ANKS1B: variants seen among roughly 807,000 people sequenced by gnomAD.
ANKS1B encodes the protein ankyrin repeat and sterile alpha motif domain-containing protein 1B.
A neutral mutation model predicts 148.3 loss-of-function variants in ANKS1B; 36 were observed. That is an observed-to-expected ratio of 0.24 (90% CI 0.19 to 0.32). The LOEUF (loss-of-function observed/expected upper bound fraction) is 0.32. Ranked by LOEUF, ANKS1B falls within the 10% of genes least tolerant of loss-of-function variation. The pLI is 1.00. For missense variants in ANKS1B, 1,157 were observed against 1,542.6 expected, an observed-to-expected ratio of 0.75 and a Z score of 4.19; for synonymous variants, 542 against 560.8, an observed-to-expected ratio of 0.97 and a Z score of 0.47.
intron 12 of ANKS1B, among the ~76,000 whole-genome samples, chr12:99,256,205 G>A (rs534042687): frequency 3.4e-5 from 5 of 149,174 alleles, no homozygotes; most frequent in Admixed American, 1.3e-4. Context: ...TGCCGAGTTC[G>A]TGTCACTGCA....
chr12:99,385,399 G>A (rs2093818823), intron 12 of ANKS1B, among the ~76,000 whole-genome samples: 1 of 152,190 alleles, frequency 6.6e-6, no homozygotes, highest in South Asian at 2.1e-4. Context: ...AACCTGGGAG[G>A]TGGAGGCTGC....
intron 14 of ANKS1B, among the ~76,000 whole-genome samples, chr12:99,205,041 C>A (rs1487627259): frequency 6.6e-6 from 1 of 152,120 alleles, no homozygotes; most frequent in African/African-American, 2.4e-5. Context: ...TTGGATACCA[C>A]TGAGCTCTTG....
chr12:98,769,592 A>G (rs186036555), intron 25 of ANKS1B, among the ~76,000 whole-genome samples: 2 of 152,320 alleles, frequency 1.3e-5, no homozygotes, highest in African/African-American at 4.8e-5. Context: ...TCATAAAACT[A>G]AACAGTTGAC....
intron 14 of ANKS1B, among the ~76,000 whole-genome samples, chr12:99,238,345 G>A (rs2088464609): frequency 6.6e-6 from 1 of 152,194 alleles, no homozygotes; most frequent in Non-Finnish European, 1.5e-5. Context: ...TTGACGGGGG[G>A]AGGGGCATCC....
At chr12:98,877,518 C>T (rs1020226463) in intron 17 of ANKS1B, among the ~76,000 whole-genome samples, 2 of 152,174 alleles carry the variant, frequency 1.3e-5, no homozygotes, top group Non-Finnish European at 2.9e-5. Flanking sequence ...TCTTCCTTTT[C>T]CTTCAAGGAT....
intron 1 of ANKS1B, among the ~76,000 whole-genome samples, chr12:99,953,709 C>T (rs1483718502): frequency 1.3e-5 from 2 of 151,996 alleles, no homozygotes; most frequent in African/African-American, 2.4e-5. Context: ...GTAGGATATG[C>T]ACTCATGAGC....
intron 14 of ANKS1B, among the ~76,000 whole-genome samples, chr12:99,208,892 C>T (rs181686892): frequency 1.3e-5 from 2 of 152,204 alleles, no homozygotes; most frequent in Admixed American, 1.3e-4. Context: ...CTTTTGTGAA[C>T]AAAAGTTAAA....
chr12:99,980,274 A>G (rs1226397220), intron 1 of ANKS1B, among the ~76,000 whole-genome samples: 1 of 152,014 alleles, frequency 6.6e-6, no homozygotes, highest in Non-Finnish European at 1.5e-5. Context: ...TAAAGAGATA[A>G]TAATTTCATT....
At chr12:99,133,219 T>G (rs753562010) in intron 15 of ANKS1B, among the ~76,000 whole-genome samples, 12 of 151,742 alleles carry the variant, frequency 7.9e-5, no homozygotes, top group Non-Finnish European at 1.3e-4. Context: ...GCCCAGCTAT[T>G]TTTTTGTATT....
intron 9 of ANKS1B, among the ~76,000 whole-genome samples, chr12:99,639,648 A>G (rs1030634483): frequency 6.6e-6 from 1 of 152,092 alleles, no homozygotes; most frequent in Non-Finnish European, 1.5e-5. Flanking sequence ...AGTTCTCACG[A>G]GATCTGATGG....
At chr12:99,718,109 T>C (rs1271229905) in intron 8 of ANKS1B, among the ~76,000 whole-genome samples, 1 of 151,776 alleles carries the variant, frequency 6.6e-6, no homozygotes, top group African/African-American at 2.4e-5. Flanking sequence ...TTCACCATGT[T>C]AGCCAGGATG....
At chr12:99,193,242 C>G (rs995708807) in intron 14 of ANKS1B, among the ~76,000 whole-genome samples, 5 of 148,880 alleles carry the variant, frequency 3.4e-5, no homozygotes, top group African/African-American at 1.2e-4. Flanking sequence ...ACTGCAGAAG[C>G]AGGAAGGTTG....
intron 1 of ANKS1B, among the ~76,000 whole-genome samples, chr12:99,960,056 T>G (rs1444541200): frequency 1.3e-5 from 2 of 152,152 alleles, no homozygotes; most frequent in African/African-American, 4.8e-5. Flanking sequence ...ATGAGCACTT[T>G]ATTTGCAAAA....
intron 26 of ANKS1B, among the ~76,000 whole-genome samples, chr12:98,747,203 A>T (rs1276245351): frequency 1.3e-5 from 2 of 152,220 alleles, no homozygotes; most frequent in East Asian, 3.8e-4. Flanking sequence ...TAAATAAGGG[A>T]CTCAAATAAC....
intron 8 of ANKS1B, chr12:99,706,630 T>C (rs2055819991): frequency 1.3e-5 from 2 of 152,116 alleles, no homozygotes; most frequent in Admixed American, 6.5e-5. Context: ...GGTTTGTTTC[T>C]AGCTAATAGA....
intron 12 of ANKS1B, among the ~76,000 whole-genome samples, chr12:99,377,056 G>A (rs1168842485): frequency 6.6e-6 from 1 of 151,162 alleles, no homozygotes; most frequent in Non-Finnish European, 1.5e-5. Flanking sequence ...TCGCCAGGCT[G>A]AAGTGCCGTG....
intron 25 of ANKS1B, among the ~76,000 whole-genome samples, chr12:98,752,264 CTT>C (rs112862863): frequency 4.1e-4 from 61 of 147,096 alleles, no homozygotes; most frequent in Middle Eastern, 3.5e-3. Context: ...CATTTTTTTT[CTT>C]TTTTTTTTTT....
At chr12:99,109,794 T>C (rs938611232) in intron 15 of ANKS1B, among the ~76,000 whole-genome samples, 2 of 152,160 alleles carry the variant, frequency 1.3e-5, no homozygotes, top group African/African-American at 4.8e-5. Flanking sequence ...ACCAATACAC[T>C]AAAGCATCAT....
intron 6 of ANKS1B, 71 bp from the exon 7 acceptor site, chr12:99,775,732 A>G: frequency 1.2e-6 from 1 of 859,034 alleles, no homozygotes; most frequent in Non-Finnish European, 1.7e-6. Flanking sequence ...TTTAAGTTTT[A>G]CTTCTGGTAA....
Sources: allele counts gnomAD v4.1 joint callset (sites outside exome capture counted in the v4.1 genomes callset), GRCh38; gene constraint gnomAD v4.1.1; transcripts MANE v1.5; gene names NCBI Gene and HGNC (gene_info 2026-07-23, HGNC 2026-07-21).